Variants in LIMCH1 observed in about 807,000 individuals in gnomAD.
LIMCH1 encodes the protein LIM and calponin homology domains-containing protein 1.
Under a neutral mutation model 176.5 loss-of-function variants are expected in LIMCH1, and 113 were observed. The observed-to-expected ratio is 0.64, with a 90% CI of 0.55 to 0.75. LIMCH1 has a LOEUF of 0.75. Ranked by LOEUF, LIMCH1 falls within the 30% of genes least tolerant of loss-of-function variation. The pLI is 0.00. For synonymous variants in LIMCH1, 619 were observed against 645.9 expected (o/e 0.96, Z 0.63); for missense variants, 1,674 against 1,814.9 (o/e 0.92, Z 1.41).
At chr4:41,483,632 C>A (rs898311636) in intron 1 of LIMCH1, among the ~76,000 whole-genome samples, 1 of 152,228 alleles carries the variant, frequency 6.6e-6, no homozygotes, top group African/African-American at 2.4e-5. Context: ...TCACCTACCA[C>A]CCTTCTCATC....
chr4:41,468,240 T>G (rs1582700740), intron 1 of LIMCH1, among the ~76,000 whole-genome samples: 1 of 60,962 alleles, frequency 1.6e-5, no homozygotes, highest in Non-Finnish European at 3.0e-5. Flanking sequence ...CTCCCCTCTC[T>G]CCCTCCCTCC....
chr4:41,523,821 C>T (rs2076353375), intron 2 of LIMCH1, among the ~76,000 whole-genome samples: 1 of 152,056 alleles, frequency 6.6e-6, no homozygotes, highest in South Asian at 2.1e-4. Context: ...TCTTTTGTAC[C>T]TAGGGACTCT....
intron 1 of LIMCH1, among the ~76,000 whole-genome samples, chr4:41,393,349 TATG>T (rs1303365770): frequency 6.6e-6 from 1 of 152,180 alleles, no homozygotes; most frequent in Non-Finnish European, 1.5e-5. Flanking sequence ...GGTGGTAAAT[TATG>T]ATGGTTCTAC....
chr4:41,406,654 C>A (rs762462767), intron 1 of LIMCH1, among the ~76,000 whole-genome samples: 26 of 152,120 alleles, frequency 1.7e-4, no homozygotes, highest in Admixed American at 9.8e-4. Context: ...TCCCTGAAGC[C>A]TAGCTTGAAG....
In LIMCH1 at chr4:41,389,802, G is replaced by A. The variant is rs546615186; in HGVS notation, c.96+28866G>A. ...CCTAGATCATTGGCTAGTCAGGTTG[G>A]AAACCACTGCTTTTTGTGAGCCATT... is the stretch of plus-strand genomic sequence containing the variant. On this transcript the variant is annotated intron_variant, in intron 1 of 26. Coordinates refer to the LIMCH1 transcript ENST00000313860. Among the ~76,000 whole-genome samples, 4 of 152,286 alleles carry A rather than the reference G, an allele frequency of 2.6e-5. No homozygotes were observed. The East Asian group carries it at 7.7e-4, about 29-fold the overall frequency.
intron 7 of LIMCH1, among the ~76,000 whole-genome samples, chr4:41,625,628 T>C (rs1271666248): frequency 2.0e-5 from 3 of 152,114 alleles, no homozygotes; most frequent in Non-Finnish European, 4.4e-5. Context: ...ACGCTCTTTT[T>C]TATATATTTT....
chr4:41,491,529 C>T (rs1350559507), intron 1 of LIMCH1, among the ~76,000 whole-genome samples: 1 of 150,540 alleles, frequency 6.6e-6, no homozygotes, highest in Non-Finnish European at 1.5e-5. Context: ...TCCTCACATC[C>T]CATACTGGGC....
chr4:41,467,371 C>T (rs1192762695), intron 1 of LIMCH1, among the ~76,000 whole-genome samples: 6 of 152,086 alleles, frequency 3.9e-5, no homozygotes, highest in Non-Finnish European at 7.4e-5. Flanking sequence ...TAAAGTCATA[C>T]CTGAGACTGG....
chr4:41,371,643 C>CG (rs1003518835), intron 1 of LIMCH1, among the ~76,000 whole-genome samples: 6 of 111,404 alleles, frequency 5.4e-5, no homozygotes, highest in African/African-American at 3.1e-4. Context: ...TATCTGCTGC[C>CG]CCCGTCCCAG....
chr4:41,698,302 A>G lies in LIMCH1; in HGVS notation c.*1117A>G, dbSNP rs1339954388. 6.6e-6 allele frequency: 1 copy of G among 152,242 alleles called. No homozygotes were observed. Among genetic ancestry groups the G allele is most frequent in the Middle Eastern group, 3.2e-3 (1 of 316 alleles). 9.4% of individuals were successfully genotyped at this position (152,242 alleles called of 1,614,324 possible). A position where few individuals can be genotyped will look rare whatever the true frequency, so the allele number is the denominator to read the frequency against. On this transcript the variant is annotated 3_prime_UTR_variant, in exon 32 of 32. Coordinates refer to ENST00000503057, the MANE Select transcript of LIMCH1 (RefSeq NM_001330672.2). ...CACAGATTATGCCCTGCCCACTTCA[A>G]TGAATACCTACTCTCCTCCATTCTC...
intron 3 of LIMCH1, among the ~76,000 whole-genome samples, chr4:41,532,447 A>G (rs1203890305): frequency 6.6e-6 from 1 of 152,192 alleles, no homozygotes; most frequent in Non-Finnish European, 1.5e-5. Context: ...TGAAAGTAAC[A>G]TTCGAGTAAC....
chr4:41,372,835 G>A (rs2154098256), intron 1 of LIMCH1, among the ~76,000 whole-genome samples: 1 of 152,264 alleles, frequency 6.6e-6, no homozygotes, highest in South Asian at 2.1e-4. Flanking sequence ...TAAGTGAGTT[G>A]GAAATGAGGA....
At chr4:41,620,830 CGTAGATGATA>C in intron 7 of LIMCH1, 140 bp downstream of exon 7, 1 of 982,818 alleles carries the variant, frequency 1.0e-6, no homozygotes, top group East Asian at 2.6e-5. Flanking sequence ...GCTCTGAGCA[CGTAGATGATA>C]GTCTTTGCCT....
intron 2 of LIMCH1, among the ~76,000 whole-genome samples, chr4:41,500,152 TG>T (rs776537555): frequency 2.6e-5 from 4 of 152,242 alleles, no homozygotes; most frequent in Non-Finnish European, 5.9e-5. Context: ...ATTTATGCAT[TG>T]TTAATATGCC....
chr4:41,529,450 A>G (rs1324197315), intron 3 of LIMCH1, among the ~76,000 whole-genome samples: 1 of 152,202 alleles, frequency 6.6e-6, no homozygotes, highest in African/African-American at 2.4e-5. Flanking sequence ...TGATTTTTCC[A>G]TGGGTCTGTA....
intron 1 of LIMCH1, among the ~76,000 whole-genome samples, chr4:41,585,000 A>C (rs2086188916): frequency 6.6e-6 from 1 of 152,124 alleles, no homozygotes; most frequent in Non-Finnish European, 1.5e-5. Flanking sequence ...AAGGGCAAGG[A>C]TGCTCTCTGG....
At chr4:41,411,835 G>A (rs2059511135) in intron 1 of LIMCH1, among the ~76,000 whole-genome samples, 1 of 151,752 alleles carries the variant, frequency 6.6e-6, no homozygotes, top group Admixed American at 6.6e-5. Flanking sequence ...GCAGGTGCCT[G>A]TAATCCCAGC....
chr4:41,627,187 G>C (rs753574187), intron 8 of LIMCH1, among the ~76,000 whole-genome samples, 177 bp downstream of exon 8: 17 of 152,234 alleles, frequency 1.1e-4, no homozygotes, highest in South Asian at 4.2e-4. Flanking sequence ...CGGAACTTTA[G>C]ATATTCAATC....
At chr4:41,499,393 C>G (rs184576277) in intron 2 of LIMCH1, among the ~76,000 whole-genome samples, 1 of 152,164 alleles carries the variant, frequency 6.6e-6, no homozygotes, top group Non-Finnish European at 1.5e-5. Flanking sequence ...CAGGGTGGAT[C>G]TTGTAAATAT....
Sources: allele counts gnomAD v4.1 joint callset (sites outside exome capture counted in the v4.1 genomes callset), GRCh38; gene constraint gnomAD v4.1.1; transcripts MANE v1.5; gene names NCBI Gene and HGNC (gene_info 2026-07-23, HGNC 2026-07-21).